NCKAP5: variants seen among roughly 807,000 people sequenced by gnomAD.
NCKAP5 encodes nck-associated protein 5.
A neutral mutation model predicts 167.0 loss-of-function variants in NCKAP5; 92 were observed. That is an observed-to-expected ratio of 0.55 (90% CI 0.47 to 0.66). NCKAP5 has a LOEUF of 0.66. NCKAP5 is among the 30% of genes least tolerant of loss of function. The pLI is 0.00. For synonymous variants in NCKAP5, 891 were observed against 877.4 expected (o/e 1.02, Z -0.27); for missense variants, 2,378 against 2,315.0 (o/e 1.03, Z -0.56).
intron 8 of NCKAP5, among the ~76,000 whole-genome samples, chr2:132,891,573 C>T (rs2148869884): frequency 6.6e-6 from 1 of 152,330 alleles, no homozygotes; most frequent in South Asian, 2.1e-4. Context: ...TGGGAGAAAA[C>T]AGCCTAAGGG....
intron 3 of NCKAP5, among the ~76,000 whole-genome samples, chr2:133,402,222 C>T (rs181310153): frequency 6.6e-6 from 1 of 152,106 alleles, no homozygotes; most frequent in African/African-American, 2.4e-5. Context: ...AAGACAAGCA[C>T]TGTGCACTCA....
intron 7 of NCKAP5, among the ~76,000 whole-genome samples, chr2:132,986,959 A>G (rs2077307040): frequency 6.6e-6 from 1 of 152,142 alleles, no homozygotes; most frequent in Admixed American, 6.5e-5. Flanking sequence ...AGAACCCAGG[A>G]CCCATCCTAT....
At chr2:133,060,268 A>G (rs2079952391) in intron 6 of NCKAP5, among the ~76,000 whole-genome samples, 1 of 152,212 alleles carries the variant, frequency 6.6e-6, no homozygotes, top group African/African-American at 2.4e-5. Flanking sequence ...ATACAAAAGT[A>G]GCAGGTGTGA....
chr2:132,960,253 T>C (rs76507394), intron 8 of NCKAP5, among the ~76,000 whole-genome samples: 3,784 of 152,188 alleles, frequency 0.025, 102 homozygotes, highest in East Asian at 0.093. Context: ...GCGGATGATA[T>C]GGAATGAGCC....
intron 3 of NCKAP5, among the ~76,000 whole-genome samples, chr2:133,337,193 A>T (rs1428726951): frequency 6.6e-6 from 1 of 152,214 alleles, no homozygotes; most frequent in East Asian, 1.9e-4. Flanking sequence ...ACATGGACTC[A>T]CACTCAACAT....
Position 133,498,480 on chromosome 2 carries a change from A to AAGGAAGGCAGGCAGGC in NCKAP5, c.69+18977_69+18978insGCCTGCCTGCCTTCCT, listed in dbSNP as rs1310524686. Among the ~76,000 whole-genome samples, 991 of 101,660 alleles carry AAGGAAGGCAGGCAGGC rather than the reference A, an allele frequency of 9.7e-3. 22 individuals are homozygous for AAGGAAGGCAGGCAGGC. The highest frequency in any genetic ancestry group is 0.046 in the African/African-American group (937 of 20,256). 66.7% of individuals were successfully genotyped at this position (101,660 alleles called of 152,430 possible). On this transcript the variant is annotated intron_variant, in intron 3 of 19. Coordinates refer to ENST00000409261, the MANE Select transcript of NCKAP5 (RefSeq NM_207363.3). ...GAAGGAAGGAAGGAAGGAAGGAAGG[A>AAGGAAGGCAGGCAGGC]AGGCAGGCAGGCAGGCAGGCAGGCA...
the NCKAP5 span, among the ~76,000 whole-genome samples, chr2:133,594,478 T>G: frequency 5.9e-5 from 9 of 152,194 alleles, no homozygotes; most frequent in African/African-American, 2.2e-4. Context: ...TTGTTCATTT[T>G]GGGATCTTTA....
chr2:133,426,075 G>T lies in NCKAP5; in HGVS notation c.69+91383C>A, dbSNP rs1180495070. On this transcript the variant is annotated intron_variant, in intron 3 of 19. Transcript: ENST00000409261. ...TCACGAGGTCAGGAGTTCAAGACCA[G>T]CCTGGCCAACATGGTGAAACCCCAT... Among the ~76,000 whole-genome samples the T allele has an allele frequency of 2.6e-5, 4 of 152,090 alleles. No homozygotes were observed. In the East Asian group the frequency reaches 5.8e-4, roughly 22 times the overall value.
chr2:132,691,709 C>T lies in NCKAP5; in HGVS notation c.5714-18404G>A, dbSNP rs541174384. Among the ~76,000 whole-genome samples the T allele has an allele frequency of 9.2e-5, 14 of 152,224 alleles. No individual in the cohort carries two copies. In the East Asian group the frequency reaches 2.3e-3, roughly 25 times the overall value. On this transcript the variant is annotated intron_variant, in intron 19 of 19. Coordinates refer to ENST00000409261, the MANE Select transcript of NCKAP5 (RefSeq NM_207363.3). ...GACCATAAATCACAAATGACATCTC[C>T]GACCAGAAACATTCCAACAATAAGA...
intron 5 of NCKAP5, among the ~76,000 whole-genome samples, chr2:133,164,046 A>G (rs1263229188): frequency 6.6e-6 from 1 of 152,240 alleles, no homozygotes; most frequent in African/African-American, 2.4e-5. Context: ...AACAGACAAT[A>G]TAAAGGAAGT....
intron 2 of NCKAP5, among the ~76,000 whole-genome samples, chr2:133,533,336 T>C (rs1685510150): frequency 6.6e-6 from 1 of 152,240 alleles, no homozygotes; most frequent in Admixed American, 6.5e-5. Flanking sequence ...ATCATCTATG[T>C]AAAATCTCTC....
At chr2:133,107,856 C>A (rs2081765123) in intron 6 of NCKAP5, among the ~76,000 whole-genome samples, 1 of 152,162 alleles carries the variant, frequency 6.6e-6, no homozygotes, top group South Asian at 2.1e-4. Context: ...TAGGAAATAA[C>A]CTTTAAACAT....
intron 4 of NCKAP5, among the ~76,000 whole-genome samples, chr2:133,265,802 G>T (rs778761222): frequency 9.9e-5 from 15 of 152,180 alleles, no homozygotes; most frequent in Non-Finnish European, 2.2e-4. Flanking sequence ...CTCTGACCTC[G>T]CTGGGGAGCA....
At chr2:132,673,809 T>C (rs914827407) in intron 19 of NCKAP5, among the ~76,000 whole-genome samples, 1 of 152,194 alleles carries the variant, frequency 6.6e-6, no homozygotes, top group Admixed American at 6.5e-5. Flanking sequence ...TGTCCCTTTA[T>C]AGGACTTAAG....
intron 19 of NCKAP5, among the ~76,000 whole-genome samples, chr2:132,709,080 T>C (rs1278823936): frequency 6.6e-6 from 1 of 152,154 alleles, no homozygotes. Flanking sequence ...TGTAAAACTT[T>C]CCTATTATTT....
At chr2:132,825,792 C>CA (rs947294837) in intron 11 of NCKAP5, among the ~76,000 whole-genome samples, 2 of 152,148 alleles carry the variant, frequency 1.3e-5, no homozygotes, top group African/African-American at 2.4e-5. Flanking sequence ...CAGATGGTAA[C>CA]AAAAAATCTT....
chr2:132,867,744 G>A (rs1000320118), intron 10 of NCKAP5, among the ~76,000 whole-genome samples: 2 of 152,158 alleles, frequency 1.3e-5, no homozygotes, highest in African/African-American at 4.8e-5. Flanking sequence ...GGACTTTATG[G>A]AGCAAAGTTA....
At chr2:133,140,502 C>A (rs1331323810) in intron 5 of NCKAP5, among the ~76,000 whole-genome samples, 1 of 152,054 alleles carries the variant, frequency 6.6e-6, no homozygotes, top group Non-Finnish European at 1.5e-5. Context: ...ATGGAGGATT[C>A]CAAGATTTTT....
At chr2:133,337,349 AAAG>A (rs1329922640) in intron 3 of NCKAP5, among the ~76,000 whole-genome samples, 8 of 152,176 alleles carry the variant, frequency 5.3e-5, no homozygotes, top group Non-Finnish European at 8.8e-5. Flanking sequence ...ATGCAGGCTT[AAAG>A]AAGAAGTAAG....
Sources: gnomAD v4.1 joint callset for allele counts (sites outside exome capture counted in the v4.1 genomes callset) on GRCh38, gnomAD v4.1.1 for gene constraint, MANE v1.5 for transcripts, NCBI Gene and HGNC (gene_info 2026-07-23, HGNC 2026-07-21) for gene names.